Variants in ANK3 observed in about 807,000 individuals in gnomAD.
ANK3 encodes the protein ankyrin 3.
ANK3 carries 57 observed loss-of-function variants against 370.9 expected under a neutral mutation model. That is an observed-to-expected ratio of 0.15 (90% confidence interval 0.12 to 0.19). The LOEUF is 0.19. Ranked by LOEUF, ANK3 falls within the 10% of genes least tolerant of loss-of-function variation. The pLI, the probability that ANK3 is intolerant of heterozygous loss-of-function variation, is 1.00. For missense variants in ANK3, 4,439 were observed against 5,302.1 expected (o/e 0.84, Z 5.06); for synonymous variants, 1,929 against 1,946.3 (o/e 0.99, Z 0.23).
chr10:60,679,082 G>T (rs753588380), intron 1 of ANK3, among the ~76,000 whole-genome samples: 54 of 152,144 alleles, frequency 3.5e-4, no homozygotes, highest in Admixed American at 5.2e-4. Context: ...TTAAAACATG[G>T]GTCTCTGGAT....
At chr10:60,302,578 A>G (rs1295013073) in intron 1 of ANK3, among the ~76,000 whole-genome samples, 1 of 152,212 alleles carries the variant, frequency 6.6e-6, no homozygotes, top group East Asian at 1.9e-4. Flanking sequence ...AGAGATCAAG[A>G]ACTTGCCAAG....
intron 2 of ANK3, among the ~76,000 whole-genome samples, chr10:60,399,257 A>G (rs998414041): frequency 3.3e-5 from 5 of 152,206 alleles, no homozygotes; most frequent in Non-Finnish European, 1.5e-5. Flanking sequence ...TGGCCATTAA[A>G]GATGTGGAAG....
At chr10:60,508,264 G>A (rs1188862116) in intron 2 of ANK3, 4 of 152,384 alleles carry the variant, frequency 2.6e-5, no homozygotes, top group African/African-American at 9.7e-5. Context: ...AATGCCAAAT[G>A]ATTTCAGGCT....
chr10:60,605,748 G>C (rs1595343756), intron 2 of ANK3, among the ~76,000 whole-genome samples: 1 of 152,150 alleles, frequency 6.6e-6, no homozygotes, highest in South Asian at 2.1e-4. Context: ...ATGTGGCTTT[G>C]TGCAAGTCAT....
intron 2 of ANK3, among the ~76,000 whole-genome samples, chr10:60,402,209 T>C (rs1439834756): frequency 3.3e-5 from 5 of 152,156 alleles, no homozygotes; most frequent in Admixed American, 6.5e-5. Flanking sequence ...AGCAGTAATA[T>C]TGATCAAAAA....
chr10:60,628,813 G>A (rs1301212343), intron 1 of ANK3, among the ~76,000 whole-genome samples: 5 of 152,182 alleles, frequency 3.3e-5, no homozygotes, highest in African/African-American at 1.2e-4. Context: ...CCCACTTAAT[G>A]GTGTGTCACT....
At chr10:60,214,738 C>T (rs1489862784) in intron 8 of ANK3, among the ~76,000 whole-genome samples, 1 of 152,164 alleles carries the variant, frequency 6.6e-6, no homozygotes, top group African/African-American at 2.4e-5. Context: ...AAATGTACCA[C>T]ATTTCCTTTC....
chr10:60,286,757 C>T (rs2040115038), intron 1 of ANK3, among the ~76,000 whole-genome samples: 1 of 152,164 alleles, frequency 6.6e-6, no homozygotes, highest in South Asian at 2.1e-4. Context: ...TTTGGTAAGT[C>T]TTTAATGCCT....
At chr10:60,586,721 G>A (rs995406462) in intron 2 of ANK3, among the ~76,000 whole-genome samples, 4 of 152,192 alleles carry the variant, frequency 2.6e-5, no homozygotes, top group Non-Finnish European at 5.9e-5. Context: ...TTAGTACCAT[G>A]TTGCTTTGTG....
chr10:60,080,234 T>C (rs548244012), intron 36 of ANK3, among the ~76,000 whole-genome samples: 4 of 152,088 alleles, frequency 2.6e-5, no homozygotes, highest in Middle Eastern at 3.4e-3. Context: ...GCAACATTCA[T>C]ATTTATCTCC....
intron 2 of ANK3, among the ~76,000 whole-genome samples, chr10:60,582,373 T>C (rs1032448313): frequency 6.6e-6 from 1 of 152,216 alleles, no homozygotes; most frequent in African/African-American, 2.4e-5. Context: ...GCATTTCTAC[T>C]GAAGTTCCAA....
chr10:60,602,449 A>G (rs1053235699), intron 2 of ANK3, among the ~76,000 whole-genome samples: 8 of 152,180 alleles, frequency 5.3e-5, no homozygotes, highest in Admixed American at 3.9e-4. Context: ...ATGCACGCTT[A>G]ATACAGTTTG....
chr10:60,520,836 A>G (rs767898120), intron 2 of ANK3, among the ~76,000 whole-genome samples: 3 of 152,150 alleles, frequency 2.0e-5, no homozygotes, highest in Non-Finnish European at 1.5e-5. Context: ...CAATTTTTAC[A>G]TATTAATAGA....
intron 2 of ANK3, among the ~76,000 whole-genome samples, chr10:60,465,351 C>T (rs560680639): frequency 1.3e-5 from 2 of 152,068 alleles, no homozygotes; most frequent in Non-Finnish European, 2.9e-5. Flanking sequence ...TTAGATCCTA[C>T]GTCAACTATA....
chr10:60,261,884 G>T lies in ANK3; in HGVS notation c.773C>A (p.Ala258Glu). The change falls in exon 7 of 44, where the codon GCG becomes GAG. Residue 258 changes from alanine to glutamate, a missense_variant. Physicochemically the swap from Ala to Glu is moderately radical, Grantham distance 107 (BLOSUM62 -1). This residue lies in a region of ANK3 where 227 missense variants were observed against 377.6 expected (regional missense o/e 0.60). Transcript: ENST00000280772. ...INVATLLLNRAAAVDFTARND... is the reference protein window; with the variant it reads ...INVATLLLNREAAVDFTARND... ...CCTTGCGGTGAAATCCACAGCAGCC[G>T]CTCGGTTTAACAGCAACGTGGCTAC... is the stretch of plus-strand genomic sequence containing the variant. 2 of 1,613,948 alleles carry T rather than the reference G, an allele frequency of 1.2e-6. No homozygotes were observed. Among genetic ancestry groups the T allele is most frequent in the South Asian group, 1.1e-5 (1 of 91,068 alleles).
chr10:60,480,858 G>C (rs2075194661), intron 2 of ANK3, among the ~76,000 whole-genome samples: 1 of 152,174 alleles, frequency 6.6e-6, no homozygotes, highest in East Asian at 1.9e-4. Flanking sequence ...CCTTTGGGCA[G>C]CAAATTGCTA....
At chr10:60,660,405 AC>A (rs1190470632) in intron 1 of ANK3, among the ~76,000 whole-genome samples, 1 of 152,062 alleles carries the variant, frequency 6.6e-6, no homozygotes, top group African/African-American at 2.4e-5. Flanking sequence ...TAAGTAAAAC[AC>A]CTGTCAAGTC....
chr10:60,705,270 T>C (rs1456261706), intron 1 of ANK3, among the ~76,000 whole-genome samples: 1 of 152,138 alleles, frequency 6.6e-6, no homozygotes, highest in Non-Finnish European at 1.5e-5. Context: ...TTTATGTCCA[T>C]AGAAGGGAAG....
chr10:60,422,365 C>A (rs2063796873), intron 2 of ANK3, among the ~76,000 whole-genome samples: 1 of 152,022 alleles, frequency 6.6e-6, no homozygotes, highest in Non-Finnish European at 1.5e-5. Context: ...ATGTTATTAG[C>A]AATGTAAATT....
Sources: allele counts gnomAD v4.1 joint callset (sites outside exome capture counted in the v4.1 genomes callset), GRCh38; gene constraint gnomAD v4.1.1; regional missense constraint gnomAD v4.1.1; transcripts MANE v1.5; gene names NCBI Gene and HGNC (gene_info 2026-07-23, HGNC 2026-07-21).